Variants in C3orf20 observed in about 807,000 individuals in gnomAD.
C3orf20 encodes family with sequence similarity 149 member C, also known as uncharacterized protein C3orf20.
A neutral mutation model predicts 88.3 loss-of-function variants in C3orf20; 76 were observed. The observed-to-expected ratio is 0.86, with a 90% CI of 0.72 to 1.04. The LOEUF (loss-of-function observed/expected upper bound fraction) is 1.04, where lower values mean the gene tolerates loss of function less well. Ranked by LOEUF, C3orf20 falls within the 50% of genes least tolerant of loss-of-function variation. The probability of loss-of-function intolerance (pLI) is 0.00; values close to 1 mark genes in which losing one functional copy is unlikely to be tolerated. For synonymous variants in C3orf20, 436 were observed against 437.4 expected (o/e 1.00, Z 0.04); for missense variants, 1,056 against 1,123.3 (o/e 0.94, Z 0.86).
chr3:14,766,711 C>T (rs901752825), intron 15 of C3orf20, among the ~76,000 whole-genome samples: 12 of 152,280 alleles, frequency 7.9e-5, no homozygotes, highest in East Asian at 1.9e-4. Flanking sequence ...ACAGTGGTGA[C>T]GGGGCGTGAA....
Position 14,710,183 on chromosome 3 carries a change from A to AT in C3orf20, c.1161-3813dup, listed in dbSNP as rs954509515. Among the ~76,000 whole-genome samples the AT allele has an allele frequency of 5.9e-3, 847 of 144,414 alleles. 5 individuals carry two copies. Among genetic ancestry groups the AT allele is most frequent in the Non-Finnish European group, 8.2e-3 (537 of 65,514 alleles). The allele number at this position is 144,414 out of a possible 152,430, so 94.7% of individuals were successfully genotyped here. ...CATATTATTGTATCATTGTCTTAGG[A>AT]TTTTTTTTTTTATTTCTGTAAGGTC... On this transcript the variant is annotated intron_variant, in intron 7 of 16. Transcript: ENST00000253697.
intron 7 of C3orf20, among the ~76,000 whole-genome samples, chr3:14,707,487 G>C (rs1575111766): frequency 1.4e-5 from 2 of 140,030 alleles, no homozygotes; most frequent in Admixed American, 7.1e-5. Flanking sequence ...GTGTGTGTGT[G>C]TGTGTTTTGG....
At chr3:14,691,915 C>T (rs188878653) in intron 5 of C3orf20, among the ~76,000 whole-genome samples, 238 of 152,236 alleles carry the variant, frequency 1.6e-3, no homozygotes, top group Middle Eastern at 0.01. Context: ...CCTTCCCAGC[C>T]TCTGGTAACC....
rs751361953 is a variant in C3orf20, at chr3:14,683,024, G to A, written c.311G>A (p.Arg104His). ...PLPPPPPAPP[R>H]PVLLATTGAA... is the part of the protein sequence containing the mutation. ...CCTCCACCACCACCAGCACCACCAC[G>A]TCCAGTGCTGCTGGCAACCACTGGG... Residue 104 changes from arginine to histidine, a missense_variant, in exon 3 of 17, where the codon CGT (arginine) becomes CAT (histidine). By Grantham distance (29) the Arg-to-His change is conservative. Coordinates refer to ENST00000253697, the MANE Select transcript of C3orf20 (RefSeq NM_032137.5). 2.4e-5 allele frequency: 38 copies of A among 1,612,390 alleles called. No homozygotes were observed. The highest frequency in any genetic ancestry group is 9.4e-5 in the African/African-American group (7 of 74,866).
In C3orf20 at chr3:14,703,267, G is replaced by A. The variant is rs182765234; in HGVS notation, c.878+5G>A. The stretch of plus-strand genomic sequence containing the variant: ...GCAGGAGTTGTGTCGCCACATGTGA[G>A]CACCTCAGTGCTTGGGTCGGGGGAG... On this transcript the variant is annotated splice_donor_5th_base_variant and intron_variant, in intron 6 of 16. Coordinates refer to ENST00000253697, the MANE Select transcript of C3orf20 (RefSeq NM_032137.5). 6.2e-7 allele frequency: 1 copy of A among 1,614,030 alleles called. No homozygotes were observed.
chr3:14,757,319 C>T (rs2125030767), intron 12 of C3orf20, 52 bp from the exon 13 acceptor site: 1 of 1,502,060 alleles, frequency 6.7e-7, no homozygotes, highest in East Asian at 2.4e-5. Context: ...CTGGGAACCA[C>T]AGACCTTCAC....
At chr3:14,721,587 G>C (rs140401467) in intron 9 of C3orf20, 66 bp from the exon 10 acceptor site, 67 of 1,583,290 alleles carry the variant, frequency 4.2e-5, no homozygotes, top group Non-Finnish European at 5.8e-5. Flanking sequence ...CTTCGTGGTG[G>C]GTCAGGAAGG....
intron 11 of C3orf20, among the ~76,000 whole-genome samples, 175 bp from the exon 12 acceptor site, chr3:14,728,264 A>G (rs953946040): frequency 1.3e-5 from 2 of 152,136 alleles, no homozygotes; most frequent in African/African-American, 4.8e-5. Context: ...TGATGAGTGC[A>G]CTGGGACAGG....
chr3:14,749,671 A>C (rs1175383550), intron 12 of C3orf20, among the ~76,000 whole-genome samples: 3 of 146,816 alleles, frequency 2.0e-5, no homozygotes, highest in African/African-American at 7.6e-5. Context: ...CAATTCCTCC[A>C]TCATTGCCTT....
chr3:14,691,129 C>T (rs2032709380), intron 5 of C3orf20, among the ~76,000 whole-genome samples: 1 of 152,218 alleles, frequency 6.6e-6, no homozygotes, highest in Non-Finnish European at 1.5e-5. Flanking sequence ...GCTGGGGATA[C>T]AGATGTGGAC....
intron 5 of C3orf20, among the ~76,000 whole-genome samples, chr3:14,702,492 G>T (rs1247949248): frequency 2.7e-5 from 4 of 147,770 alleles, no homozygotes. Context: ...CCAGGCTGGA[G>T]TGCAGTGGTG....
chr3:14,682,459 A>G, intron 2 of C3orf20, 119 bp from the exon 3 acceptor site: 1 of 503,260 alleles, frequency 2.0e-6, no homozygotes, highest in Non-Finnish European at 3.5e-6. Flanking sequence ...ACCTTTCCCA[A>G]AGTGACTCAC....
At position 14,764,507 on chromosome 3, in the gene C3orf20, A is replaced by ATTATTATTG. The variant is rs1286567408; in HGVS notation, c.2495+2894_2495+2895insATTATTGTT. Among the ~76,000 whole-genome samples, 170 of 132,838 alleles carry ATTATTATTG rather than the reference A, an allele frequency of 1.3e-3. 1 individual carries two copies. The highest frequency in any genetic ancestry group is 4.6e-3 in the East Asian group (18 of 3,912). The allele number at this position is 132,838 out of a possible 152,430, so 87.1% of individuals were successfully genotyped here. ...TATTATTATTATTATTATTATTATT[A>ATTATTATTG]TTGTTGTTGTTGTTGTTGTTGTTGT... On this transcript the variant is annotated intron_variant, in intron 15 of 16. Transcript: ENST00000253697.
At chr3:14,728,357 C>T in intron 11 of C3orf20, 82 bp from the exon 12 acceptor site, 1 of 1,568,012 alleles carries the variant, frequency 6.4e-7, no homozygotes, top group Non-Finnish European at 8.7e-7. Context: ...CCAAGGTGCA[C>T]TTAGATGTTT....
At chr3:14,756,102 T>C (rs964164089) in intron 12 of C3orf20, among the ~76,000 whole-genome samples, 5 of 149,600 alleles carry the variant, frequency 3.3e-5, no homozygotes, top group African/African-American at 4.9e-5. Context: ...AGAGTTGTTA[T>C]AAAATTAACC....
At chr3:14,680,772 T>C (rs754548234) in intron 1 of C3orf20, among the ~76,000 whole-genome samples, 8 of 152,216 alleles carry the variant, frequency 5.3e-5, no homozygotes, top group Non-Finnish European at 8.8e-5. Context: ...TCAAGACTTA[T>C]ATTAGTTATC....
At position 14,704,375 on chromosome 3, in the gene C3orf20, C is replaced by G; in HGVS notation, c.917C>G (p.Ser306Cys). The change falls in exon 7 of 17, where the codon TCC becomes TGC. Residue 306 changes from serine to cysteine, a missense_variant. Transcript: ENST00000253697. ...ERATWKGRNI[S>C]YPMILRNYKA... The stretch of plus-strand genomic sequence containing the variant: ...GCCACATGGAAAGGGAGGAATATCT[C>G]CTACCCCATGATCTTACGAAACTAC... The G allele has an allele frequency of 6.2e-7, 1 of 1,614,118 alleles. No individual in the cohort carries two copies. The highest frequency in any genetic ancestry group is 8.5e-7 in the Non-Finnish European group (1 of 1,180,018).
chr3:14,698,370 G>A (rs1007012600), intron 5 of C3orf20, among the ~76,000 whole-genome samples: 3 of 152,284 alleles, frequency 2.0e-5, no homozygotes, highest in Admixed American at 6.5e-5. Flanking sequence ...TGAAGAGTTG[G>A]GTATTTATTG....
In C3orf20 at chr3:14,761,539, A is replaced by C. The variant is rs201559130; in HGVS notation, c.2419A>C (p.Asn807His). The C allele has an allele frequency of 3.7e-6, 6 of 1,613,956 alleles. No homozygotes were observed. The East Asian group carries it at 1.3e-4, about 36-fold the overall frequency. ...VLNGYGLSKQNLLKQIFRSQQ... is the reference protein window; with the variant it reads ...VLNGYGLSKQHLLKQIFRSQQ... ...GAATGGATATGGCCTCAGCAAGCAG[A>C]ATCTGCTGAAACAGATCTTCCGGTC... is the stretch of plus-strand genomic sequence containing the variant. The change falls in exon 15 of 17, where the codon AAT becomes CAT. Residue 807 changes from asparagine to histidine, a missense_variant. By Grantham distance (68) the Asn-to-His change is moderately conservative. Coordinates refer to ENST00000253697, the MANE Select transcript of C3orf20 (RefSeq NM_032137.5).
Sources: gnomAD v4.1 joint callset for allele counts (sites outside exome capture counted in the v4.1 genomes callset) on GRCh38, gnomAD v4.1.1 for gene constraint, MANE v1.5 for transcripts, NCBI Gene and HGNC (gene_info 2026-07-23, HGNC 2026-07-21) for gene names.